ZNF704: variants seen among roughly 807,000 people sequenced by gnomAD.
ZNF704 encodes the protein glucocorticoid induced gene 1.
Under a neutral mutation model 44.7 loss-of-function variants are expected in ZNF704, and 10 were observed. The observed-to-expected ratio is 0.22, with a 90% CI of 0.14 to 0.38. The LOEUF is 0.38. Among genes scored for constraint, ZNF704 ranks in the 10% least tolerant of loss-of-function variants. The probability of loss-of-function intolerance (pLI) is 1.00; values close to 1 mark genes in which losing one functional copy is unlikely to be tolerated. For synonymous variants in ZNF704, 211 were observed against 207.6 expected, an observed-to-expected ratio of 1.02 and a Z score of -0.14; for missense variants, 390 against 545.5, an observed-to-expected ratio of 0.71 and a Z score of 2.84.
At chr8:80,714,682 T>A (rs1585975537) in intron 2 of ZNF704, among the ~76,000 whole-genome samples, 2 of 152,182 alleles carry the variant, frequency 1.3e-5, no homozygotes, top group African/African-American at 4.8e-5. Flanking sequence ...GCTCAAAAAT[T>A]GAATTTCTCT....
intron 6 of ZNF704, among the ~76,000 whole-genome samples, chr8:80,662,533 G>C (rs1251236738): frequency 6.6e-6 from 1 of 152,104 alleles, no homozygotes; most frequent in Non-Finnish European, 1.5e-5. Flanking sequence ...ATAAGAGTCA[G>C]GAATGAAATT....
intron 1 of ZNF704, among the ~76,000 whole-genome samples, chr8:80,840,863 G>A (rs1808666534): frequency 6.6e-6 from 1 of 152,156 alleles, no homozygotes; most frequent in Non-Finnish European, 1.5e-5. Context: ...CTCCCTTGAA[G>A]CATCATATTT....
At chr8:80,785,835 A>G (rs1453759270) in intron 2 of ZNF704, among the ~76,000 whole-genome samples, 1 of 152,212 alleles carries the variant, frequency 6.6e-6, no homozygotes, top group Non-Finnish European at 1.5e-5. Context: ...ATAGTATTAA[A>G]AACCAAGGTC....
chr8:80,817,480 C>T (rs1001123184), intron 2 of ZNF704, among the ~76,000 whole-genome samples: 1 of 152,220 alleles, frequency 6.6e-6, no homozygotes, highest in Non-Finnish European at 1.5e-5. Context: ...AGACTAGCAC[C>T]CTAAACTGAC....
At chr8:80,764,979 A>G (rs1310513239) in intron 2 of ZNF704, among the ~76,000 whole-genome samples, 1 of 152,188 alleles carries the variant, frequency 6.6e-6, no homozygotes, top group Non-Finnish European at 1.5e-5. Flanking sequence ...GAATTGGCCC[A>G]TAGGATTATG....
intron 2 of ZNF704, among the ~76,000 whole-genome samples, chr8:80,741,660 T>C (rs1806758967): frequency 6.6e-6 from 1 of 152,228 alleles, no homozygotes; most frequent in Non-Finnish European, 1.5e-5. Context: ...TGTGCAACTC[T>C]TAACCCAGCC....
At chr8:80,741,241 C>T (rs542820875) in intron 2 of ZNF704, among the ~76,000 whole-genome samples, 3 of 152,196 alleles carry the variant, frequency 2.0e-5, no homozygotes, top group East Asian at 3.9e-4. Context: ...AAGATGGACA[C>T]CTGAAGCAGA....
chr8:80,645,517 G>T (rs1207966610), intron 7 of ZNF704, among the ~76,000 whole-genome samples: 1 of 152,066 alleles, frequency 6.6e-6, no homozygotes, highest in Admixed American at 6.5e-5. Context: ...TGGGAGGTGT[G>T]TGGATTATGG....
At chr8:80,672,408 C>T (rs1034928849) in intron 4 of ZNF704, among the ~76,000 whole-genome samples, 1 of 152,188 alleles carries the variant, frequency 6.6e-6, no homozygotes, top group Admixed American at 6.5e-5. Context: ...CCAGCAATCC[C>T]ATTACTGGGT....
At chr8:80,694,721 G>T (rs1038823856) in intron 2 of ZNF704, among the ~76,000 whole-genome samples, 7 of 152,178 alleles carry the variant, frequency 4.6e-5, no homozygotes, top group Non-Finnish European at 8.8e-5. Flanking sequence ...TACAAAAATT[G>T]TTACAGTTTG....
At chr8:80,774,594 G>A (rs966374004) in intron 2 of ZNF704, among the ~76,000 whole-genome samples, 1 of 152,100 alleles carries the variant, frequency 6.6e-6, no homozygotes, top group Admixed American at 6.5e-5. Context: ...TACTGCCCAG[G>A]GGGGATAAAA....
intron 2 of ZNF704, among the ~76,000 whole-genome samples, chr8:80,742,762 C>T (rs1027748350): frequency 7.2e-5 from 11 of 152,102 alleles, no homozygotes; most frequent in African/African-American, 2.7e-4. Flanking sequence ...CCAAGGACCC[C>T]TGCATGACCC....
At chr8:80,753,934 G>A (rs187975107) in intron 2 of ZNF704, among the ~76,000 whole-genome samples, 3 of 152,230 alleles carry the variant, frequency 2.0e-5, no homozygotes, top group South Asian at 2.1e-4. Context: ...AACATCTAGC[G>A]TCTGGGAATT....
intron 1 of ZNF704, among the ~76,000 whole-genome samples, chr8:80,834,249 G>A (rs559648868): frequency 8.5e-5 from 13 of 152,080 alleles, no homozygotes; most frequent in African/African-American, 2.9e-4. Flanking sequence ...GGATGCAAAT[G>A]GTCAGTATCT....
chr8:80,686,805 C>A (rs944912340), intron 4 of ZNF704, among the ~76,000 whole-genome samples: 3 of 151,970 alleles, frequency 2.0e-5, no homozygotes, highest in African/African-American at 7.3e-5. Flanking sequence ...AAATGAGATA[C>A]AAAATATTCT....
At chr8:80,830,197 G>C (rs1335748428) in intron 1 of ZNF704, among the ~76,000 whole-genome samples, 1 of 152,170 alleles carries the variant, frequency 6.6e-6, no homozygotes, top group Non-Finnish European at 1.5e-5. Context: ...GGCTGGAGGG[G>C]ATGATGGACG....
At chr8:80,647,105 G>T (rs1229578959) in intron 7 of ZNF704, among the ~76,000 whole-genome samples, 1 of 152,228 alleles carries the variant, frequency 6.6e-6, no homozygotes, top group Non-Finnish European at 1.5e-5. Flanking sequence ...TGAGGATATA[G>T]CTGTGAACAA....
chr8:80,710,534 G>A (rs1001927179), intron 2 of ZNF704, among the ~76,000 whole-genome samples: 3 of 152,066 alleles, frequency 2.0e-5, no homozygotes, highest in African/African-American at 4.8e-5. Context: ...CCTACCCCTC[G>A]ACATGATAGT....
chr8:80,723,749 G>T lies in ZNF704; in HGVS notation c.222-30642C>A, dbSNP rs541424916. 3.0e-4 allele frequency among the ~76,000 whole-genome samples: 45 copies of T among 152,258 alleles called. No individual in the cohort carries two copies. In the South Asian group the frequency reaches 8.7e-3, roughly 29 times the overall value. On this transcript the variant is annotated intron_variant, in intron 2 of 8. Coordinates refer to ENST00000327835, the MANE Select transcript of ZNF704 (RefSeq NM_001033723.3). ...AACTTTAAAATGCGAGAGGGTACAT[G>T]GTTTTCAAAATCCTTGCAGAGGATT... is the stretch of plus-strand genomic sequence containing the variant.
Sources: allele counts gnomAD v4.1 joint callset (sites outside exome capture counted in the v4.1 genomes callset), GRCh38; gene constraint gnomAD v4.1.1; transcripts MANE v1.5; gene names NCBI Gene and HGNC (gene_info 2026-07-23, HGNC 2026-07-21).